The following RGS8 variants were observed in gnomAD, a reference collection of about 807,000 sequenced individuals.
The protein encoded by RGS8 is regulator of G protein signaling 8.
RGS8 carries 8 observed loss-of-function variants against 21.7 expected under a neutral mutation model. The ratio of observed to expected loss-of-function variants is 0.37; its 90% CI spans 0.22 to 0.66. The LOEUF (loss-of-function observed/expected upper bound fraction) is 0.66. RGS8 is among the 30% of genes least tolerant of loss of function. RGS8 has a pLI of 0.59. For synonymous variants in RGS8, 80 were observed against 83.6 expected (o/e 0.96, Z 0.24); for missense variants, 157 against 217.9 (o/e 0.72, Z 1.76).
chr1:182,720,894 TATATATAC>T, the RGS8 span, among the ~76,000 whole-genome samples: 265 of 49,996 alleles, frequency 5.3e-3, 4 homozygotes, highest in Non-Finnish European at 7.9e-3. Context: ...TATATACACA[TATATATAC>T]ATATGTGTGT....
chr1:182,734,196 C>T, the RGS8 span, among the ~76,000 whole-genome samples: 12 of 152,152 alleles, frequency 7.9e-5, no homozygotes, highest in Non-Finnish European at 1.6e-4. Context: ...GCTGGGATCA[C>T]AGGCATGAGC....
chr1:182,730,144 T>A, the RGS8 span, among the ~76,000 whole-genome samples: 1 of 152,176 alleles, frequency 6.6e-6, no homozygotes, highest in Admixed American at 6.5e-5. Flanking sequence ...CATATCTTTT[T>A]CTTAATTTGA....
At chr1:182,690,496 A>T in the RGS8 span, among the ~76,000 whole-genome samples, 1,479 of 152,310 alleles carry the variant, frequency 9.7e-3, 25 homozygotes, top group African/African-American at 0.034. Flanking sequence ...AATATTTATC[A>T]GTATCTAGCT....
chr1:182,741,076 T>C, the RGS8 span, among the ~76,000 whole-genome samples: 377 of 139,006 alleles, frequency 2.7e-3, no homozygotes, highest in Middle Eastern at 0.013. Context: ...TGGGTACACC[T>C]CCCAGACGGG....
At chr1:182,741,151 C>G in the RGS8 span, among the ~76,000 whole-genome samples, 1 of 150,524 alleles carries the variant, frequency 6.6e-6, no homozygotes, top group Non-Finnish European at 1.5e-5. Context: ...GCGCCCCTCA[C>G]CTCCCGGACG....
the RGS8 span, among the ~76,000 whole-genome samples, chr1:182,715,891 A>G: frequency 1.3e-5 from 2 of 152,184 alleles, no homozygotes; most frequent in South Asian, 4.1e-4. Context: ...AAATTGCTCT[A>G]AAAACACAAT....
At chr1:182,672,538 CCCACCCTAA>C (rs1415930772), upstream of RGS8, among the ~76,000 whole-genome samples, 1 of 152,134 alleles carries the variant, frequency 6.6e-6, no homozygotes, top group Non-Finnish European at 1.5e-5. Flanking sequence ...CATCTCCACT[CCCACCCTAA>C]CCAGTGCCAA....
At position 182,671,741 on chromosome 1, in the gene RGS8, A is replaced by G. The variant is rs150846292; in HGVS notation, c.-177-11T>C. 215 of 1,614,042 alleles carry G rather than the reference A, an allele frequency of 1.3e-4. 1 individual carries two copies. In the African/African-American group the frequency reaches 2.4e-3, roughly 18 times the overall value. ...TCGGGTTAAGGTGTTCTGGGGAAAA[A>G]GTAGATCTTTCTTTTAGCAGTCAAA... On this transcript the variant is annotated splice_polypyrimidine_tract_variant and intron_variant, in intron 1 of 6. Coordinates refer to ENST00000483095, the Ensembl canonical transcript of RGS8.
the RGS8 span, among the ~76,000 whole-genome samples, chr1:182,699,031 T>A: frequency 6.6e-6 from 1 of 152,130 alleles, no homozygotes; most frequent in East Asian, 1.9e-4. Flanking sequence ...TTGGAAGAAA[T>A]TAGACTGTTT....
At chr1:182,733,309 C>T in the RGS8 span, among the ~76,000 whole-genome samples, 1 of 152,292 alleles carries the variant, frequency 6.6e-6, no homozygotes, top group Admixed American at 6.5e-5. Flanking sequence ...TGCTCAATAT[C>T]CCAGGAAGTT....
the RGS8 span, among the ~76,000 whole-genome samples, chr1:182,710,810 T>C: frequency 6.6e-6 from 1 of 152,188 alleles, no homozygotes; most frequent in Non-Finnish European, 1.5e-5. Flanking sequence ...GTAGTAGTAA[T>C]ATTATTTTCA....
chr1:182,684,179 G>A lies in RGS8; in HGVS notation n.221+177C>T, dbSNP rs1390390218. Among the ~76,000 whole-genome samples the A allele has an allele frequency of 6.6e-6, 1 of 152,240 alleles. No individual in the cohort carries two copies. Among genetic ancestry groups the A allele is most frequent in the Non-Finnish European group, 1.5e-5 (1 of 68,046 alleles). ...TATTTCTACACCCTTGCTCCTGGCG[G>A]AGGTGGCGGGCTTAATAGCTCTGAG... On this transcript the variant is annotated intron_variant and non_coding_transcript_variant, in intron 1 of 4. Transcript: ENST00000515211. The surrounding 1 kb of genome is among the most constrained non-coding windows in gnomAD (Gnocchi z 4.2).
At chr1:182,715,154 T>C in the RGS8 span, among the ~76,000 whole-genome samples, 1 of 152,198 alleles carries the variant, frequency 6.6e-6, no homozygotes, top group Non-Finnish European at 1.5e-5. Context: ...ATCAATAATA[T>C]TTATTGTAAC....
chr1:182,664,829 A>T (rs553071033), intron 5 of RGS8, among the ~76,000 whole-genome samples: 1 of 152,216 alleles, frequency 6.6e-6, no homozygotes, highest in Admixed American at 6.5e-5. Context: ...TTTGCATTTC[A>T]TTCTAAAATC....
chr1:182,656,108 T>C (rs1371889484), intron 5 of RGS8, among the ~76,000 whole-genome samples: 1 of 152,260 alleles, frequency 6.6e-6, no homozygotes, highest in Non-Finnish European at 1.5e-5. Context: ...CAATAAGTGT[T>C]AGCTCTTAGC....
the RGS8 span, among the ~76,000 whole-genome samples, chr1:182,727,161 A>G: frequency 6.6e-6 from 1 of 152,194 alleles, no homozygotes; most frequent in Non-Finnish European, 1.5e-5. Context: ...CATGGTTAAG[A>G]TCATGGACTC....
chr1:182,660,377 C>A (rs1159913537), intron 5 of RGS8, among the ~76,000 whole-genome samples: 1 of 152,090 alleles, frequency 6.6e-6, no homozygotes, highest in East Asian at 1.9e-4. Flanking sequence ...CTAATATATT[C>A]CAGGCATTCC....
the RGS8 span, among the ~76,000 whole-genome samples, chr1:182,710,907 C>G: frequency 6.6e-6 from 1 of 152,150 alleles, no homozygotes; most frequent in African/African-American, 2.4e-5. Context: ...TTGTCCCTGC[C>G]CCCTGCAACC....
chr1:182,646,704 C>A, exon 7 of RGS8: 1 of 1,578,928 alleles, frequency 6.3e-7, no homozygotes, highest in South Asian at 1.2e-5. Flanking sequence ...GAGGGGAAAG[C>A]CGGTGATTTC....
Sources: gnomAD v4.1 joint callset for allele counts (sites outside exome capture counted in the v4.1 genomes callset) on GRCh38, gnomAD v4.1.1 for gene constraint, Gnocchi (gnomAD v3.1) non-coding constraint, MANE v1.5 for transcripts, NCBI Gene and HGNC (gene_info 2026-07-23, HGNC 2026-07-21) for gene names.